Variants in GC observed in about 807,000 individuals in gnomAD.
The protein encoded by GC is GC vitamin D binding protein.
Under a neutral mutation model 56.7 loss-of-function variants are expected in GC, and 43 were observed. The ratio of observed to expected loss-of-function variants is 0.76; its 90% confidence interval spans 0.59 to 0.98. The LOEUF is 0.98. GC is among the 50% of genes least tolerant of loss of function. The pLI is 0.00. For synonymous variants in GC, 216 were observed against 202.7 expected (o/e 1.07, Z -0.56); for missense variants, 529 against 545.9 (o/e 0.97, Z 0.31).
rs1190747239 is a variant in GC, at chr4:71,758,236, A to G, written c.702-65T>C. 3.5e-6 allele frequency: 5 copies of G among 1,415,278 alleles called. No homozygotes were observed. The South Asian group carries it at 3.6e-5, about 10-fold the overall frequency. 87.7% of individuals were successfully genotyped at this position (1,415,278 alleles called of 1,614,324 possible). The stretch of plus-strand genomic sequence containing the variant: ...CTCAGTTTTCTTGGTTTCGTGATGA[A>G]CGCACTATTTGGAGAAATAATATCA... On this transcript the variant is annotated intron_variant, in intron 6 of 12. Coordinates refer to ENST00000273951, the MANE Select transcript of GC (RefSeq NM_000583.4).
chr4:71,761,557 GA>G (rs1314198371), intron 6 of GC, among the ~76,000 whole-genome samples: 1 of 152,186 alleles, frequency 6.6e-6, no homozygotes, highest in East Asian at 1.9e-4. Flanking sequence ...TACAATGGGG[GA>G]AAATGTATCC....
At chr4:71,761,632 A>G (rs1021145332) in intron 6 of GC, among the ~76,000 whole-genome samples, 39 of 152,046 alleles carry the variant, frequency 2.6e-4, no homozygotes, top group Admixed American at 5.2e-4. Context: ...TAGGAGGAAA[A>G]AGTGGTTTCT....
intron 1 of GC, among the ~76,000 whole-genome samples, chr4:71,774,035 G>A (rs1020620792): frequency 1.3e-5 from 2 of 151,984 alleles, no homozygotes. Context: ...GCTGGTTTAG[G>A]AAGCTGATCT....
chr4:71,793,326 T>C (rs1479686982), intron 1 of GC, among the ~76,000 whole-genome samples: 4 of 152,196 alleles, frequency 2.6e-5, no homozygotes, highest in Non-Finnish European at 5.9e-5. Context: ...TTGTGTCCTC[T>C]TATTTTGTTA....
intron 1 of GC, among the ~76,000 whole-genome samples, chr4:71,782,151 C>G (rs1742701040): frequency 6.6e-6 from 1 of 151,518 alleles, no homozygotes; most frequent in Admixed American, 6.6e-5. Context: ...TATTTTGAAA[C>G]AGGTGCTTAA....
At chr4:71,779,636 A>G (rs980707509) in intron 1 of GC, among the ~76,000 whole-genome samples, 1 of 151,908 alleles carries the variant, frequency 6.6e-6, no homozygotes, top group Non-Finnish European at 1.5e-5. Flanking sequence ...GGCATCATCA[A>G]TTCCTTTTAG....
intron 1 of GC, among the ~76,000 whole-genome samples, chr4:71,783,358 A>C (rs993539222): frequency 6.6e-6 from 1 of 151,828 alleles, no homozygotes; most frequent in African/African-American, 2.4e-5. Flanking sequence ...TTGCCCAAAG[A>C]TGAACACACC....
At chr4:71,805,406 G>A (rs1743342308), upstream of GC, among the ~76,000 whole-genome samples, 1 of 152,130 alleles carries the variant, frequency 6.6e-6, no homozygotes, top group African/African-American at 2.4e-5. Context: ...CCAGCTGCTG[G>A]GTTCATGCTG....
In GC at chr4:71,778,918, ATTATTG is replaced by A. The variant is rs1348916525; in HGVS notation, c.58+5037_58+5042del. ...TATTATTATTATTATTATTATTATT[ATTATTG>A]GCTAAATCCAGTTCATGATCATTTT... On this transcript the variant is annotated intron_variant, in intron 1 of 12. Coordinates refer to ENST00000273951, the MANE Select transcript of GC (RefSeq NM_000583.4). Among the ~76,000 whole-genome samples, 191 of 148,202 alleles carry A rather than the reference ATTATTG, an allele frequency of 1.3e-3. 1 individual carries two copies. The highest frequency in any genetic ancestry group is 4.3e-3 in the African/African-American group (174 of 40,200).
chr4:71,763,851 C>T lies in GC; in HGVS notation c.559G>A (p.Gly187Arg), dbSNP rs1453000090. Residue 187 changes from glycine (G) to arginine (R), a missense_variant, in exon 5 of 13, where the codon GGG (glycine) becomes AGG (arginine). Physicochemically the swap from Gly to Arg is moderately radical, Grantham distance 125 (BLOSUM62 -2). Transcript: ENST00000273951. ...GGGCTTGCAGAGGTACAGCAGGACC[C>T]TACCATAGAAAGATAACTCTTGGTG... ...SYTKSYLSMVGSCCTSASPTV... is the reference protein window; with the variant it reads ...SYTKSYLSMVRSCCTSASPTV... The T allele has an allele frequency of 1.2e-6, 2 of 1,612,398 alleles. No individual in the cohort carries two copies.
chr4:71,755,176 T>TTATTTATTTATTTATC (rs1197877821), intron 8 of GC, 69 bp from the exon 9 acceptor site: 1 of 781,102 alleles, frequency 1.3e-6, no homozygotes. Context: ...ATTTATTTAT[T>TTATTTATTTATTTATC]TTTTGTGACA....
chr4:71,752,056 C>T (rs951718042), intron 11 of GC, among the ~76,000 whole-genome samples: 2 of 151,828 alleles, frequency 1.3e-5, no homozygotes, highest in Admixed American at 6.6e-5. Context: ...TTATTTTTAT[C>T]AATCTACCTG....
chr4:71,752,430 C>G lies in GC; in HGVS notation c.1395+88G>C, dbSNP rs1741585578. The G allele has an allele frequency of 6.6e-6, 7 of 1,064,618 alleles. No individual in the cohort carries two copies. In the South Asian group the frequency reaches 8.1e-5, roughly 12 times the overall value. 65.9% of individuals were successfully genotyped at this position (1,064,618 alleles called of 1,614,324 possible). On this transcript the variant is annotated intron_variant, in intron 11 of 12. Coordinates refer to ENST00000273951, the MANE Select transcript of GC (RefSeq NM_000583.4). Reference sequence around the variant, plus strand: ...GGAAAAGCCTGTCACATAATGGCATCTCAATAACAGGAAAGAAATGAGTAG... The same window carrying G: ...GGAAAAGCCTGTCACATAATGGCATGTCAATAACAGGAAAGAAATGAGTAG...
rs568838043 is a variant in GC at position 71,773,242 on chromosome 4, G to C, written c.59-3842C>G. 2.5e-3 allele frequency among the ~76,000 whole-genome samples: 388 copies of C among 152,174 alleles called. 1 individual carries two copies. Among genetic ancestry groups the C allele is most frequent in the Middle Eastern group, 0.01 (3 of 294 alleles). On this transcript the variant is annotated intron_variant, in intron 1 of 12. Transcript: ENST00000273951. ...ATGAAGTGACCCCCCACAGTACTAA[G>C]TGTTTACAAATTTCACTAACAGAAT...
At chr4:71,745,198 T>G (rs1225465195) in intron 12 of GC, among the ~76,000 whole-genome samples, 1 of 152,204 alleles carries the variant, frequency 6.6e-6, no homozygotes, top group African/African-American at 2.4e-5. Flanking sequence ...TTAGACAGGA[T>G]AGATAACTTG....
At chr4:71,786,244 C>CT (rs34905592), upstream of GC, among the ~76,000 whole-genome samples, 1 of 151,612 alleles carries the variant, frequency 6.6e-6, no homozygotes, top group Non-Finnish European at 1.5e-5. Flanking sequence ...ATATATGAGC[C>CT]TTTTTTTCAG....
At chr4:71,771,188 G>C (rs1334636270) in intron 1 of GC, among the ~76,000 whole-genome samples, 1 of 152,160 alleles carries the variant, frequency 6.6e-6, no homozygotes, top group East Asian at 1.9e-4. Context: ...GGTAACTGCT[G>C]TCAGGCTTTA....
At position 71,756,746 on chromosome 4, in the gene GC, C is replaced by G. The variant is rs371054565; in HGVS notation, c.1000G>C (p.Val334Leu). Residue 334 changes from valine (V) to leucine (L), a missense_variant, in exon 8 of 13, where the codon GTG becomes CTG. By Grantham distance (32) the Val-to-Leu change is conservative. Coordinates refer to ENST00000273951, the MANE Select transcript of GC (RefSeq NM_000583.4). ...PDVELPTNKD[V>L]CDPGNTKVMD... Reference sequence around the variant, plus strand: ...ACTTTGGTGTTTCCTGGATCACACACATCTTTGTTTGTGGGCAACTCTACA... The same window carrying G: ...ACTTTGGTGTTTCCTGGATCACACAGATCTTTGTTTGTGGGCAACTCTACA... The G allele has an allele frequency of 1.1e-5, 18 of 1,613,732 alleles. No individual in the cohort carries two copies. Among genetic ancestry groups the G allele is most frequent in the African/African-American group, 2.7e-5 (2 of 75,052 alleles).
chr4:71,758,220 C>A, intron 6 of GC, 49 bp from the exon 7 acceptor site: 1 of 1,562,346 alleles, frequency 6.4e-7, no homozygotes, highest in Non-Finnish European at 8.8e-7. Context: ...TCTCAGTTTT[C>A]TTGGTTTCGT....
Sources: gnomAD v4.1 joint callset for allele counts (sites outside exome capture counted in the v4.1 genomes callset) on GRCh38, gnomAD v4.1.1 for gene constraint, MANE v1.5 for transcripts, NCBI Gene and HGNC (gene_info 2026-07-23, HGNC 2026-07-21) for gene names.